KLF8: variants seen among roughly 807,000 people sequenced by gnomAD.
The protein encoded by KLF8 is KLF transcription factor 8.
In KLF8, 10 loss-of-function variants were observed where a neutral mutation model predicts 18.2. The observed-to-expected ratio is 0.55, with a 90% CI of 0.34 to 0.93. KLF8 has a LOEUF of 0.93. Ranked by LOEUF, KLF8 falls within the 40% of genes least tolerant of loss-of-function variation. The pLI, the probability that KLF8 is intolerant of heterozygous loss-of-function variation, is 0.02. For synonymous variants in KLF8, 109 were observed against 97.3 expected (o/e 1.12, Z -0.71); for missense variants, 264 against 277.9 (o/e 0.95, Z 0.36).
At chrX:56,025,951 G>A in the KLF8 span, among the ~76,000 whole-genome samples, 1 of 112,648 alleles carries the variant, frequency 8.9e-6, no homozygotes, top group Non-Finnish European at 1.9e-5. Flanking sequence ...AGCAGTGGAA[G>A]CTTTTACCAC....
At chrX:55,969,173 G>A in the KLF8 span, among the ~76,000 whole-genome samples, 1 of 111,885 alleles carries the variant, frequency 8.9e-6, no homozygotes, top group East Asian at 2.8e-4. Flanking sequence ...CTTAGCACAT[G>A]GTTCAGTCTC....
At chrX:56,226,308 A>G in the KLF8 span, among the ~76,000 whole-genome samples, 1 of 112,303 alleles carries the variant, frequency 8.9e-6, no homozygotes, top group African/African-American at 3.2e-5. Context: ...TAACTTCATG[A>G]TTTAGACCAT....
At chrX:56,014,307 G>T in the KLF8 span, among the ~76,000 whole-genome samples, 1 of 112,042 alleles carries the variant, frequency 8.9e-6, no homozygotes, top group Non-Finnish European at 1.9e-5. Context: ...CTGTTAAAAA[G>T]TGGGCAAAGG....
chrX:56,155,597 A>T, the KLF8 span, among the ~76,000 whole-genome samples: 1 of 111,892 alleles, frequency 8.9e-6, no homozygotes, highest in African/African-American at 3.2e-5. Context: ...TAGAACTTAA[A>T]GTATAATAAA....
At chrX:56,186,715 A>G in the KLF8 span, among the ~76,000 whole-genome samples, 1 of 112,202 alleles carries the variant, frequency 8.9e-6, no homozygotes, top group Admixed American at 9.5e-5. Flanking sequence ...ACTCAGGATT[A>G]AGAAACTCAT....
the KLF8 span, among the ~76,000 whole-genome samples, chrX:56,212,498 C>T: frequency 3.3e-4 from 37 of 112,195 alleles, no homozygotes; most frequent in African/African-American, 1.1e-3. Flanking sequence ...GTTTGAACTG[C>T]TGTGATTCGC....
At chrX:56,035,525 G>A in the KLF8 span, among the ~76,000 whole-genome samples, 1 of 111,777 alleles carries the variant, frequency 8.9e-6, no homozygotes, top group Admixed American at 9.5e-5. Context: ...CTACTTACAG[G>A]TTGTTGAGAA....
At chrX:56,087,892 A>C in the KLF8 span, among the ~76,000 whole-genome samples, 1 of 110,834 alleles carries the variant, frequency 9.0e-6, no homozygotes, top group Non-Finnish European at 1.9e-5. Context: ...TTATTGGTTA[A>C]TTGGTTCATT....
chrX:55,984,086 T>A, the KLF8 span, among the ~76,000 whole-genome samples: 1 of 109,297 alleles, frequency 9.1e-6, no homozygotes, highest in Non-Finnish European at 1.9e-5. Context: ...TGTGTATATA[T>A]AATATATATA....
the KLF8 span, among the ~76,000 whole-genome samples, chrX:56,175,204 G>T: frequency 9.0e-6 from 1 of 111,641 alleles, no homozygotes; most frequent in Non-Finnish European, 1.9e-5. Context: ...GTCAATTTTA[G>T]ATCTTTCCTG....
chrX:55,924,105 T>C, the KLF8 span, among the ~76,000 whole-genome samples: 1 of 111,677 alleles, frequency 9.0e-6, no homozygotes, highest in African/African-American at 3.3e-5. Flanking sequence ...AGTCTCGCTC[T>C]GTCGCCCAGG....
chrX:55,938,010 G>A, the KLF8 span, among the ~76,000 whole-genome samples: 62 of 109,818 alleles, frequency 5.6e-4, no homozygotes, highest in African/African-American at 2.0e-3. Context: ...TTCAAATTCA[G>A]GAAATACAGA....
At chrX:56,065,051 G>A in the KLF8 span, among the ~76,000 whole-genome samples, 591 of 111,616 alleles carry the variant, frequency 5.3e-3, 5 homozygotes, top group African/African-American at 0.018. Flanking sequence ...CAGTTTGACT[G>A]TAATGTGACT....
At chrX:56,143,242 A>G in the KLF8 span, among the ~76,000 whole-genome samples, 4 of 111,548 alleles carry the variant, frequency 3.6e-5, no homozygotes, top group African/African-American at 1.3e-4. Flanking sequence ...TGCTTAAAAC[A>G]TTTCTTCTAG....
At chrX:56,101,703 A>T in the KLF8 span, among the ~76,000 whole-genome samples, 3 of 112,085 alleles carry the variant, frequency 2.7e-5, no homozygotes, top group East Asian at 8.4e-4. Flanking sequence ...AAGACTAGTG[A>T]TGGAGAACAT....
At chrX:56,214,025 A>C in the KLF8 span, among the ~76,000 whole-genome samples, 1 of 111,561 alleles carries the variant, frequency 9.0e-6, no homozygotes, top group Non-Finnish European at 1.9e-5. Flanking sequence ...AAGTTCAGCC[A>C]TCTCCAGCTG....
the KLF8 span, among the ~76,000 whole-genome samples, chrX:56,226,941 G>A: frequency 1.5e-4 from 17 of 112,289 alleles, no homozygotes; most frequent in African/African-American, 5.2e-4. Flanking sequence ...AAGGCCATTT[G>A]GGCAAACAAA....
At chrX:56,221,169 A>C in the KLF8 span, among the ~76,000 whole-genome samples, 1 of 112,161 alleles carries the variant, frequency 8.9e-6, no homozygotes, top group East Asian at 2.8e-4. Context: ...ACTGGCTGGA[A>C]TCATCAGAAC....
At chrX:56,254,404 C>T (rs4826465) in intron 2 of KLF8, among the ~76,000 whole-genome samples, 59 of 111,309 alleles carry the variant, frequency 5.3e-4, no homozygotes, top group African/African-American at 1.4e-3. Flanking sequence ...CAGCAGAGTC[C>T]GGGGGGCGGG....
Sources: gnomAD v4.1 joint callset for allele counts (sites outside exome capture counted in the v4.1 genomes callset) on GRCh38, gnomAD v4.1.1 for gene constraint, MANE v1.5 for transcripts, NCBI Gene and HGNC (gene_info 2026-07-23, HGNC 2026-07-21) for gene names.